KIF11: variants seen among roughly 807,000 people sequenced by gnomAD.
KIF11 encodes kinesin-like protein KIF11.
Under a neutral mutation model 121.0 loss-of-function variants are expected in KIF11, and 9 were observed. That is an observed-to-expected ratio of 0.07 (90% confidence interval 0.04 to 0.13). The LOEUF (loss-of-function observed/expected upper bound fraction) is 0.13. Among genes scored for constraint, KIF11 ranks in the 10% least tolerant of loss-of-function variants. The probability of loss-of-function intolerance (pLI) is 1.00; values close to 1 mark genes in which losing one functional copy is unlikely to be tolerated. For synonymous variants in KIF11, 408 were observed against 421.0 expected (o/e 0.97, Z 0.38); for missense variants, 846 against 1,217.5 (o/e 0.69, Z 4.54).
At chr10:92,595,468 C>T (rs558242050) in intron 1 of KIF11, among the ~76,000 whole-genome samples, 12 of 152,172 alleles carry the variant, frequency 7.9e-5, no homozygotes, top group African/African-American at 2.7e-4. Flanking sequence ...GTTTGACCCA[C>T]AGGTTAAAGT....
At chr10:92,635,417 A>C (rs1325386293) in intron 14 of KIF11, among the ~76,000 whole-genome samples, 1 of 152,132 alleles carries the variant, frequency 6.6e-6, no homozygotes, top group African/African-American at 2.4e-5. Flanking sequence ...CAAGTCATGA[A>C]TTTTTTGCTT....
In KIF11 at chr10:92,630,342, A is replaced by G; in HGVS notation, c.1472A>G (p.Lys491Arg). The G allele has an allele frequency of 6.3e-7, 1 of 1,582,040 alleles. No individual in the cohort carries two copies. The highest frequency in any genetic ancestry group is 8.6e-7 in the Non-Finnish European group (1 of 1,169,052). Residue 491 changes from lysine to arginine, a missense_variant, in exon 12 of 22, where the codon AAA (lysine) becomes AGA (arginine). Lys to Arg is a conservative substitution (Grantham distance 26). This residue lies in a region of KIF11 where 95 missense variants were observed against 109.3 expected (regional missense o/e 0.87). Coordinates refer to ENST00000260731, the MANE Select transcript of KIF11 (RefSeq NM_004523.4). The stretch of plus-strand genomic sequence containing the variant: ...TCAGCTTTGGAAAGTACTGAGGAGA[A>G]ACTTCATGATGCTGCCAGCAAGGTT... ...ITSALESTEE[K>R]LHDAASKLLN...
At chr10:92,615,130 A>G (rs1180369820) in intron 8 of KIF11, among the ~76,000 whole-genome samples, 1 of 151,786 alleles carries the variant, frequency 6.6e-6, no homozygotes, top group African/African-American at 2.4e-5. Flanking sequence ...TAGGCCAGGC[A>G]CGGTGGCTTA....
At chr10:92,625,211 C>T (rs117500531) in intron 10 of KIF11, among the ~76,000 whole-genome samples, 5,155 of 152,208 alleles carry the variant, frequency 0.034, 137 homozygotes, top group Admixed American at 0.06. Flanking sequence ...TTAATAATAG[C>T]CATTCTGACT....
chr10:92,632,688 T>G lies in KIF11; in HGVS notation c.1697T>G (p.Leu566Ter), dbSNP rs1396617375. 1 of 1,595,644 alleles carries G rather than the reference T, an allele frequency of 6.3e-7. No homozygotes were observed. Among genetic ancestry groups the G allele is most frequent in the East Asian group, 2.2e-5 (1 of 44,694 alleles). The change falls in exon 13 of 22, where the codon TTA (leucine) becomes TGA (stop). Residue 566 changes from leucine to a stop codon, truncating the protein, a stop_gained. Transcript: ENST00000260731. LOFTEE classifies it high-confidence loss of function. ...QKAMLEVHKT[L>*]FGNLLSSSVS... Reference sequence around the variant, plus strand: ...GCCATGCTAGAAGTACATAAGACCTTATTTGGTAAGTTCAGGCTGTTCTGT... The same window carrying G: ...GCCATGCTAGAAGTACATAAGACCTGATTTGGTAAGTTCAGGCTGTTCTGT...
chr10:92,618,934 C>T lies in KIF11; in HGVS notation c.1128+2102C>T, dbSNP rs116591715. 3.5e-3 allele frequency among the ~76,000 whole-genome samples: 538 copies of T among 152,218 alleles called. 2 individuals are homozygous for T. The highest frequency in any genetic ancestry group is 0.012 in the African/African-American group (513 of 41,536). On this transcript the variant is annotated intron_variant, in intron 9 of 21. Coordinates refer to ENST00000260731, the MANE Select transcript of KIF11 (RefSeq NM_004523.4). ...ACCATATCCTTCCTTTCCTGGTACC[C>T]AGTAACCTGTCCTCTATCATTTCAA...
chr10:92,647,884 A>T (rs1844936689), intron 18 of KIF11, among the ~76,000 whole-genome samples: 1 of 152,130 alleles, frequency 6.6e-6, no homozygotes, highest in South Asian at 2.1e-4. Context: ...CAAGGTGGGC[A>T]GATTGCTTGA....
intron 1 of KIF11, among the ~76,000 whole-genome samples, chr10:92,598,473 C>T (rs1256874564): frequency 6.6e-6 from 1 of 152,178 alleles, no homozygotes; most frequent in East Asian, 1.9e-4. Flanking sequence ...TATGTCAGTA[C>T]CACATGGTTT....
intron 11 of KIF11, among the ~76,000 whole-genome samples, chr10:92,629,411 A>G (rs1480796215): frequency 6.6e-6 from 1 of 152,206 alleles, no homozygotes; most frequent in South Asian, 2.1e-4. Flanking sequence ...TTAATAAAAC[A>G]TTACAAGAAA....
chr10:92,593,191 C>G lies in KIF11; in HGVS notation c.-185C>G, dbSNP rs1844249954. Reference sequence around the variant, plus strand: ...TTTGGCGGCTCCGACTGGCGCGGGACAAACGCCACGGCCAGAGTACCGGGT... The same window carrying G: ...TTTGGCGGCTCCGACTGGCGCGGGAGAAACGCCACGGCCAGAGTACCGGGT... On this transcript the variant is annotated 5_prime_UTR_variant, in exon 1 of 22. Coordinates refer to ENST00000260731, the MANE Select transcript of KIF11 (RefSeq NM_004523.4). 1 of 561,722 alleles carries G rather than the reference C, an allele frequency of 1.8e-6. No individual in the cohort carries two copies. Among genetic ancestry groups the G allele is most frequent in the East Asian group, 3.1e-5 (1 of 32,506 alleles). 34.8% of individuals were successfully genotyped at this position (561,722 alleles called of 1,614,324 possible). A position where few individuals can be genotyped will look rare whatever the true frequency, so the allele number is the denominator to read the frequency against.
chr10:92,629,663 C>T (rs1764421375), intron 11 of KIF11, among the ~76,000 whole-genome samples: 1 of 152,010 alleles, frequency 6.6e-6, no homozygotes, highest in Admixed American at 6.6e-5. Flanking sequence ...GCCCAGGCTA[C>T]AGTGCAGTGG....
Position 92,655,312 on chromosome 10 carries a change from T to A in KIF11, c.*1516T>A, listed in dbSNP as rs1314130300. ...TAATGGCTATAATTTCTCTGCAAAA[T>A]CAGATGTCAGCATAAGCGATGGATA... On this transcript the variant is annotated 3_prime_UTR_variant, in exon 22 of 22. Coordinates refer to ENST00000260731, the MANE Select transcript of KIF11 (RefSeq NM_004523.4). The A allele has an allele frequency of 6.6e-6, 1 of 152,178 alleles. No individual in the cohort carries two copies. Among genetic ancestry groups the A allele is most frequent in the Non-Finnish European group, 1.5e-5 (1 of 68,036 alleles). The allele number at this position is 152,178 out of a possible 1,614,324, so 9.4% of individuals were successfully genotyped here.
intron 6 of KIF11, among the ~76,000 whole-genome samples, chr10:92,611,967 C>A (rs571317175): frequency 6.6e-6 from 1 of 152,038 alleles, no homozygotes; most frequent in East Asian, 1.9e-4. Context: ...TTGAAACTTA[C>A]CAGATTCTCT....
At chr10:92,623,882 GCT>G (rs1050351391) in intron 10 of KIF11, among the ~76,000 whole-genome samples, 90 of 152,020 alleles carry the variant, frequency 5.9e-4, no homozygotes, top group African/African-American at 2.0e-3. Context: ...TATGGTGTTT[GCT>G]CTCTTTTTTT....
Position 92,616,803 on chromosome 10 carries a change from C to G in KIF11, c.1099C>G (p.Gln367Glu), listed in dbSNP as rs764431270. 3 of 1,600,556 alleles carry G rather than the reference C, an allele frequency of 1.9e-6. No individual in the cohort carries two copies. Among genetic ancestry groups the G allele is most frequent in the Non-Finnish European group, 2.6e-6 (3 of 1,171,768 alleles). The change falls in exon 9 of 22, where the codon CAG becomes GAG. Residue 367 changes from glutamine to glutamate, a missense_variant. Around this residue, in one of 5 missense-constraint regions of KIF11, gnomAD observed 116 missense variants for 285.3 expected, o/e 0.41. Transcript: ENST00000260731. ...CATATTGAATAAGCCTGAAGTGAAT[C>G]AGAAACTCACCAAAAAAGCTCTTAT... is the stretch of plus-strand genomic sequence containing the variant. ...KNILNKPEVN[Q>E]KLTKKALIKE... is the part of the protein sequence containing the mutation.
rs1042806329 is a variant in KIF11 at position 92,593,208 on chromosome 10, G to C, written c.-168G>C. On this transcript the variant is annotated 5_prime_UTR_variant, in exon 1 of 22. Coordinates refer to ENST00000260731, the MANE Select transcript of KIF11 (RefSeq NM_004523.4). ...GCGCGGGACAAACGCCACGGCCAGA[G>C]TACCGGGTAGAGAGCGGGGACGCCG... 8.1e-6 allele frequency: 5 copies of C among 615,236 alleles called. No individual in the cohort carries two copies. Among genetic ancestry groups the C allele is most frequent in the Non-Finnish European group, 1.4e-5 (5 of 347,114 alleles). 38.1% of individuals were successfully genotyped at this position (615,236 alleles called of 1,614,324 possible).
At chr10:92,621,297 C>T in intron 9 of KIF11, 88 bp from the exon 10 acceptor site, 3 of 668,408 alleles carry the variant, frequency 4.5e-6, no homozygotes, top group Non-Finnish European at 7.7e-6. Flanking sequence ...CATAAAAAGG[C>T]TAACTTTACA....
chr10:92,625,221 T>G (rs1299005756), intron 10 of KIF11, among the ~76,000 whole-genome samples: 1 of 152,218 alleles, frequency 6.6e-6, no homozygotes, highest in Non-Finnish European at 1.5e-5. Context: ...CCATTCTGAC[T>G]GGTGAGATGG....
At chr10:92,623,617 T>A (rs1234602812) in intron 10 of KIF11, among the ~76,000 whole-genome samples, 1 of 152,200 alleles carries the variant, frequency 6.6e-6, no homozygotes, top group Admixed American at 6.5e-5. Flanking sequence ...ACTGTCATAA[T>A]GTATTCCATG....
Sources: gnomAD v4.1 joint callset for allele counts (sites outside exome capture counted in the v4.1 genomes callset) on GRCh38, gnomAD v4.1.1 for gene constraint, gnomAD v4.1.1 regional missense constraint, MANE v1.5 for transcripts, NCBI Gene and HGNC (gene_info 2026-07-23, HGNC 2026-07-21) for gene names.